RASAL2: variants seen among roughly 807,000 people sequenced by gnomAD.
RASAL2 encodes the protein ras GTPase-activating protein nGAP.
A neutral mutation model predicts 128.9 loss-of-function variants in RASAL2; 58 were observed. The observed-to-expected ratio is 0.45, with a 90% CI of 0.36 to 0.56. RASAL2 has a LOEUF of 0.56. Among genes scored for constraint, RASAL2 ranks in the 20% least tolerant of loss-of-function variants. The pLI, the probability that RASAL2 is intolerant of heterozygous loss-of-function variation, is 0.00. For synonymous variants in RASAL2, 561 were observed against 580.8 expected (o/e 0.97, Z 0.49); for missense variants, 1,360 against 1,601.6 (o/e 0.85, Z 2.57).
chr1:178,465,576 A>G (rs983409018), intron 15 of RASAL2, among the ~76,000 whole-genome samples: 2 of 152,100 alleles, frequency 1.3e-5, no homozygotes, highest in Non-Finnish European at 2.9e-5. Flanking sequence ...ATTTGATACC[A>G]TCACAGATTG....
chr1:178,331,200 G>A (rs1468045509), intron 3 of RASAL2, among the ~76,000 whole-genome samples: 6 of 152,110 alleles, frequency 3.9e-5, no homozygotes, highest in Non-Finnish European at 7.4e-5. Flanking sequence ...TGTTTTTTAA[G>A]ACGGGGTTTT....
At chr1:178,433,991 T>C (rs910342934) in intron 5 of RASAL2, among the ~76,000 whole-genome samples, 4 of 152,078 alleles carry the variant, frequency 2.6e-5, no homozygotes, top group Non-Finnish European at 5.9e-5. Flanking sequence ...ATTACTTTTA[T>C]GGCAATTATG....
At chr1:178,125,070 T>G (rs180854604) in intron 1 of RASAL2, among the ~76,000 whole-genome samples, 1 of 152,312 alleles carries the variant, frequency 6.6e-6, no homozygotes, top group East Asian at 1.9e-4. Flanking sequence ...CCTGGGAGAA[T>G]TATTGCCCAA....
chr1:178,310,681 T>C (rs1220287602), intron 3 of RASAL2, among the ~76,000 whole-genome samples: 2 of 152,192 alleles, frequency 1.3e-5, no homozygotes, highest in South Asian at 2.1e-4. Context: ...TGTTCTTTTA[T>C]CTTCCATATT....
intron 1 of RASAL2, among the ~76,000 whole-genome samples, chr1:178,230,374 A>G (rs1271379666): frequency 6.6e-6 from 1 of 152,204 alleles, no homozygotes; most frequent in Non-Finnish European, 1.5e-5. Flanking sequence ...AACTGCAAAC[A>G]TGTTCCATAG....
intron 1 of RASAL2, among the ~76,000 whole-genome samples, chr1:178,230,942 C>A (rs1388853662): frequency 2.0e-5 from 3 of 152,096 alleles, no homozygotes; most frequent in Non-Finnish European, 1.5e-5. Context: ...TGGAGTTGTA[C>A]ACATGCTTAC....
intron 4 of RASAL2, chr1:178,411,936 A>G: frequency 7.9e-6 from 5 of 633,878 alleles, no homozygotes; most frequent in Non-Finnish European, 1.4e-5. Flanking sequence ...TATGAAGATC[A>G]GGCAGATTGA....
chr1:178,162,308 T>TAA (rs1553255248), intron 1 of RASAL2, among the ~76,000 whole-genome samples: 5,779 of 129,138 alleles, frequency 0.045, 166 homozygotes, highest in South Asian at 0.082. Context: ...TATATATATA[T>TAA]AATGTATTAT....
intron 1 of RASAL2, among the ~76,000 whole-genome samples, chr1:178,276,765 G>A (rs1366937951): frequency 1.3e-5 from 2 of 152,084 alleles, no homozygotes; most frequent in African/African-American, 4.8e-5. Context: ...GTCTATAGAA[G>A]ATAGCCATGT....
chr1:178,165,347 G>C (rs370636884), intron 1 of RASAL2, among the ~76,000 whole-genome samples: 12 of 152,212 alleles, frequency 7.9e-5, no homozygotes, highest in African/African-American at 2.9e-4. Flanking sequence ...TACTTATCAC[G>C]TATAGACTTT....
At chr1:178,348,259 A>G (rs141999022) in intron 3 of RASAL2, among the ~76,000 whole-genome samples, 1 of 152,142 alleles carries the variant, frequency 6.6e-6, no homozygotes, top group Non-Finnish European at 1.5e-5. Context: ...ATTGACCTGT[A>G]CATATGTTAT....
chr1:178,123,370 T>G (rs963440312), intron 1 of RASAL2, among the ~76,000 whole-genome samples: 2 of 152,246 alleles, frequency 1.3e-5, no homozygotes, highest in African/African-American at 4.8e-5. Flanking sequence ...CACATAATTA[T>G]AGCATTCATT....
intron 1 of RASAL2, among the ~76,000 whole-genome samples, chr1:178,264,795 A>G (rs1665870910): frequency 6.6e-6 from 1 of 152,180 alleles, no homozygotes; most frequent in African/African-American, 2.4e-5. Flanking sequence ...GATTGATTAA[A>G]TCATTGGCCA....
intron 1 of RASAL2, among the ~76,000 whole-genome samples, chr1:178,124,747 A>G (rs1253405710): frequency 1.3e-5 from 2 of 152,212 alleles, no homozygotes; most frequent in African/African-American, 4.8e-5. Flanking sequence ...GTATGAGACA[A>G]TAGCCTCTCT....
At chr1:178,297,882 A>T (rs1317657113) in intron 2 of RASAL2, among the ~76,000 whole-genome samples, 1 of 152,152 alleles carries the variant, frequency 6.6e-6, no homozygotes, top group Non-Finnish European at 1.5e-5. Flanking sequence ...CTCATAGAAG[A>T]CATTCTTACT....
At chr1:178,440,547 C>T (rs1048445388) in intron 6 of RASAL2, among the ~76,000 whole-genome samples, 2 of 151,980 alleles carry the variant, frequency 1.3e-5, no homozygotes, top group Admixed American at 6.6e-5. Flanking sequence ...ATAATCTGAT[C>T]GGATTTATTA....
At position 178,252,786 on chromosome 1, in the gene RASAL2, A is replaced by G. The variant is rs979191876; in HGVS notation, c.203-30778A>G. ...TGGATAATCCAGAAATCAAGTGACC[A>G]TCTTTAACACCTTGCTTTCCCTGTC... On this transcript the variant is annotated intron_variant, in intron 1 of 17. Coordinates refer to ENST00000367649, the MANE Select transcript of RASAL2 (RefSeq NM_170692.4). 2.6e-5 allele frequency among the ~76,000 whole-genome samples: 4 copies of G among 152,336 alleles called. No homozygotes were observed. The South Asian group carries it at 6.2e-4, about 24-fold the overall frequency.
At chr1:178,404,485 A>G (rs980420656) in intron 4 of RASAL2, among the ~76,000 whole-genome samples, 3 of 151,306 alleles carry the variant, frequency 2.0e-5, no homozygotes, top group African/African-American at 7.3e-5. Flanking sequence ...GATTCAAGCC[A>G]TTCTCCTGCC....
intron 3 of RASAL2, among the ~76,000 whole-genome samples, chr1:178,382,372 T>C (rs1672331271): frequency 6.6e-6 from 1 of 152,224 alleles, no homozygotes; most frequent in Non-Finnish European, 1.5e-5. Flanking sequence ...AGTTGTTCTT[T>C]ACAGGTTTTG....
Sources: allele counts gnomAD v4.1 joint callset (sites outside exome capture counted in the v4.1 genomes callset), GRCh38; gene constraint gnomAD v4.1.1; transcripts MANE v1.5; gene names NCBI Gene and HGNC (gene_info 2026-07-23, HGNC 2026-07-21).